The following UBXN4 variants were observed in gnomAD, a reference collection of about 807,000 sequenced individuals.
UBXN4 encodes UBX domain-containing protein 4.
A neutral mutation model predicts 66.2 loss-of-function variants in UBXN4; 35 were observed. That is an observed-to-expected ratio of 0.53 (90% CI 0.40 to 0.70). The LOEUF is 0.70. UBXN4 is among the 30% of genes least tolerant of loss of function. The probability of loss-of-function intolerance (pLI) is 0.00; values close to 1 mark genes in which losing one functional copy is unlikely to be tolerated. For synonymous variants in UBXN4, 203 were observed against 204.5 expected, an observed-to-expected ratio of 0.99 and a Z score of 0.06; for missense variants, 533 against 599.8, an observed-to-expected ratio of 0.89 and a Z score of 1.16.
intron 5 of UBXN4, among the ~76,000 whole-genome samples, chr2:135,757,658 A>G (rs1392624732): frequency 6.6e-6 from 1 of 152,152 alleles, no homozygotes; most frequent in Non-Finnish European, 1.5e-5. Flanking sequence ...GGATTTCATT[A>G]TATTCCTGCA....
intron 1 of UBXN4, among the ~76,000 whole-genome samples, chr2:135,744,488 G>A (rs1173438984): frequency 1.3e-5 from 2 of 152,182 alleles, no homozygotes; most frequent in African/African-American, 4.8e-5. Flanking sequence ...ATAATCTGAC[G>A]AGACTGAAGT....
Position 135,748,241 on chromosome 2 carries a change from A to G in UBXN4, c.83-26A>G, listed in dbSNP as rs764567206. On this transcript the variant is annotated intron_variant, in intron 1 of 12. Coordinates refer to ENST00000272638, the MANE Select transcript of UBXN4 (RefSeq NM_014607.4). ...TGCAATCAGCAGATCCCAGCCTGGTATAAGAATTTTTGAAATGTTTTACAG... is the reference window on the plus strand; with the variant it reads ...TGCAATCAGCAGATCCCAGCCTGGTGTAAGAATTTTTGAAATGTTTTACAG... 3.0e-5 allele frequency: 45 copies of G among 1,513,370 alleles called. 1 individual carries two copies. In the East Asian group the frequency reaches 9.5e-4, roughly 32 times the overall value. The allele number at this position is 1,513,370 out of a possible 1,614,324, so 93.7% of individuals were successfully genotyped here. A position where few individuals can be genotyped will look rare whatever the true frequency, so the allele number is the denominator to read the frequency against.
intron 2 of UBXN4, 103 bp from the exon 3 acceptor site, chr2:135,753,435 GC>G: frequency 1.1e-6 from 1 of 934,798 alleles, no homozygotes; most frequent in African/African-American, 1.8e-5. Flanking sequence ...ACTGGTAGTT[GC>G]AGGAAAATAC....
intron 1 of UBXN4, among the ~76,000 whole-genome samples, chr2:135,746,512 T>A (rs1400081963): frequency 6.6e-6 from 1 of 152,174 alleles, no homozygotes; most frequent in East Asian, 1.9e-4. Flanking sequence ...TTTGGGAATG[T>A]CTCAAGAGTG....
chr2:135,772,597 AATG>A (rs750400281), intron 9 of UBXN4, 50 bp downstream of exon 9: 2 of 1,604,950 alleles, frequency 1.2e-6, no homozygotes, highest in Non-Finnish European at 1.7e-6. Flanking sequence ...GGCTGAGGAG[AATG>A]ATTATAAGCT....
intron 12 of UBXN4, among the ~76,000 whole-genome samples, chr2:135,780,969 AATCC>A (rs1438465603): frequency 2.3e-4 from 35 of 152,400 alleles, no homozygotes; most frequent in African/African-American, 7.9e-4. Flanking sequence ...TCACGCCTGT[AATCC>A]CAGCACTTTG....
chr2:135,783,110 A>C lies in UBXN4; in HGVS notation c.*223A>C. The C allele has an allele frequency of 2.6e-6, 1 of 384,946 alleles. No homozygotes were observed. The highest frequency in any genetic ancestry group is 4.2e-5 in the East Asian group (1 of 24,022). 23.8% of individuals were successfully genotyped at this position (384,946 alleles called of 1,614,324 possible). On this transcript the variant is annotated 3_prime_UTR_variant, in exon 13 of 13. Transcript: ENST00000272638. ...TGCTTATATGGCAACCACTGCTAGA[A>C]CCCTAAAAGAACCAAAAATCTGCCA... is the stretch of plus-strand genomic sequence containing the variant.
In UBXN4 at chr2:135,784,806, G is replaced by A. The variant is rs896891492; in HGVS notation, c.*1919G>A. 1 of 152,246 alleles carries A rather than the reference G, an allele frequency of 6.6e-6. No individual in the cohort carries two copies. The highest frequency in any genetic ancestry group is 2.4e-5 in the African/African-American group (1 of 41,340). 9.4% of individuals were successfully genotyped at this position (152,246 alleles called of 1,614,324 possible). A position where few individuals can be genotyped will look rare whatever the true frequency, so the allele number is the denominator to read the frequency against. On this transcript the variant is annotated 3_prime_UTR_variant, in exon 13 of 13. Transcript: ENST00000272638. ...AACTCTTAGAGAAATGTACATAAAA[G>A]AATGCTTCGTAATTTTGGAGTAGGA...
At chr2:135,760,010 C>T (rs1043268732) in intron 5 of UBXN4, among the ~76,000 whole-genome samples, 11 of 151,990 alleles carry the variant, frequency 7.2e-5, no homozygotes, top group African/African-American at 2.7e-4. Flanking sequence ...TCAAATGATC[C>T]ACCTGCCTCG....
chr2:135,780,973 C>T (rs950511620), intron 12 of UBXN4, among the ~76,000 whole-genome samples: 8 of 152,168 alleles, frequency 5.3e-5, no homozygotes, highest in African/African-American at 1.9e-4. Context: ...GCCTGTAATC[C>T]CAGCACTTTG....
intron 2 of UBXN4, among the ~76,000 whole-genome samples, chr2:135,751,449 A>G (rs1161171238): frequency 1.3e-5 from 2 of 151,810 alleles, no homozygotes; most frequent in Non-Finnish European, 2.9e-5. Context: ...CGGCCTCCCA[A>G]AGTGCTGGGA....
intron 12 of UBXN4, among the ~76,000 whole-genome samples, chr2:135,780,680 T>TC (rs1269653605): frequency 2.0e-5 from 3 of 152,250 alleles, no homozygotes; most frequent in Non-Finnish European, 4.4e-5. Flanking sequence ...AGGCAGATTT[T>TC]TTTTTCTAGT....
intron 1 of UBXN4, 167 bp from the exon 2 acceptor site, chr2:135,748,098 CTG>C: frequency 2.1e-6 from 1 of 476,060 alleles, no homozygotes; most frequent in Non-Finnish European, 3.7e-6. Context: ...ATGATGTGAA[CTG>C]TGTATGCAGT....
Position 135,770,676 on chromosome 2 carries a change from A to G in UBXN4, c.763A>G (p.Asn255Asp). Residue 255 changes from asparagine (N) to aspartate (D), a missense_variant, in exon 8 of 13, where the codon AAC (asparagine) becomes GAC (aspartate). Coordinates refer to ENST00000272638, the MANE Select transcript of UBXN4 (RefSeq NM_014607.4). ...ELTKRMLEER[N>D]REKAEDRAAR... The stretch of plus-strand genomic sequence containing the variant: ...AACAAAAAGAATGCTGGAGGAAAGA[A>G]ACAGAGAGAAAGCAGAAGATAGGGC... 6.3e-7 allele frequency: 1 copy of G among 1,580,202 alleles called. No homozygotes were observed. Among genetic ancestry groups the G allele is most frequent in the Non-Finnish European group, 8.5e-7 (1 of 1,170,692 alleles).
At chr2:135,746,821 G>A (rs971398894) in intron 1 of UBXN4, among the ~76,000 whole-genome samples, 1 of 152,128 alleles carries the variant, frequency 6.6e-6, no homozygotes, top group South Asian at 2.1e-4. Context: ...TAAGGACTTT[G>A]GCTTTTACTT....
chr2:135,773,565 G>A (rs1253153740), intron 9 of UBXN4, among the ~76,000 whole-genome samples: 1 of 152,190 alleles, frequency 6.6e-6, no homozygotes, highest in Non-Finnish European at 1.5e-5. Flanking sequence ...GGTGAAGGAG[G>A]TGGGGGAAAT....
intron 11 of UBXN4, among the ~76,000 whole-genome samples, chr2:135,779,322 CAA>C (rs34000734): frequency 1.3e-5 from 2 of 152,138 alleles, no homozygotes; most frequent in Non-Finnish European, 2.9e-5. Flanking sequence ...TTTTTGTGTA[CAA>C]AAAAAATGAC....
intron 6 of UBXN4, among the ~76,000 whole-genome samples, chr2:135,762,606 T>G (rs1157387272): frequency 6.6e-6 from 1 of 152,238 alleles, no homozygotes; most frequent in African/African-American, 2.4e-5. Flanking sequence ...TTCAAAGTGA[T>G]TGCTGATATT....
At chr2:135,766,803 G>A (rs1406901874) in intron 6 of UBXN4, among the ~76,000 whole-genome samples, 2 of 152,150 alleles carry the variant, frequency 1.3e-5, no homozygotes, top group Non-Finnish European at 2.9e-5. Context: ...TCTATGGGGT[G>A]ATTCAAATGG....
Sources: gnomAD v4.1 joint callset for allele counts (sites outside exome capture counted in the v4.1 genomes callset) on GRCh38, gnomAD v4.1.1 for gene constraint, MANE v1.5 for transcripts, NCBI Gene and HGNC (gene_info 2026-07-23, HGNC 2026-07-21) for gene names.